Variants in DLG2 observed in about 807,000 individuals in gnomAD.
DLG2 encodes the protein disks large homolog 2.
In DLG2, 45 loss-of-function variants were observed where a neutral mutation model predicts 132.5. The ratio of observed to expected loss-of-function variants is 0.34; its 90% CI spans 0.27 to 0.44. The LOEUF (loss-of-function observed/expected upper bound fraction) is 0.44, where lower values mean the gene tolerates loss of function less well. Ranked by LOEUF, DLG2 falls within the 20% of genes least tolerant of loss-of-function variation. The pLI, the probability that DLG2 is intolerant of heterozygous loss-of-function variation, is 1.00. For synonymous variants in DLG2, 424 were observed against 419.6 expected (o/e 1.01, Z -0.13); for missense variants, 1,045 against 1,196.9 (o/e 0.87, Z 1.87).
chr11:84,466,097 A>T (rs1354083579), intron 7 of DLG2, among the ~76,000 whole-genome samples: 2 of 151,314 alleles, frequency 1.3e-5, no homozygotes, highest in East Asian at 3.9e-4. Flanking sequence ...GGAATTTTTA[A>T]ATAAATAATA....
intron 5 of DLG2, among the ~76,000 whole-genome samples, chr11:85,150,195 T>A (rs1394409097): frequency 6.6e-6 from 1 of 151,832 alleles, no homozygotes; most frequent in Non-Finnish European, 1.5e-5. Flanking sequence ...AATTTTTTTG[T>A]ATTTTTAGTA....
At chr11:84,169,598 C>T (rs558662137) in intron 8 of DLG2, among the ~76,000 whole-genome samples, 15 of 152,268 alleles carry the variant, frequency 9.9e-5, no homozygotes, top group African/African-American at 3.1e-4. Flanking sequence ...TTTGGCCATG[C>T]GTGGTGGCTC....
At chr11:83,773,304 TGGA>T (rs1188429894) in intron 18 of DLG2, among the ~76,000 whole-genome samples, 1 of 152,220 alleles carries the variant, frequency 6.6e-6, no homozygotes, top group Non-Finnish European at 1.5e-5. Flanking sequence ...ATTTACCTCT[TGGA>T]GTTGTTCTGT....
intron 6 of DLG2, among the ~76,000 whole-genome samples, chr11:84,969,183 A>T (rs961432154): frequency 2.6e-5 from 4 of 152,116 alleles, no homozygotes; most frequent in African/African-American, 9.7e-5. Flanking sequence ...AACCAAAGTT[A>T]TTTAAGATTC....
intron 18 of DLG2, among the ~76,000 whole-genome samples, chr11:83,686,800 A>AC (rs1377439147): frequency 6.6e-6 from 1 of 152,186 alleles, no homozygotes; most frequent in African/African-American, 2.4e-5. Context: ...CTTTGATACA[A>AC]CAATTCCAGA....
At chr11:83,588,549 A>G (rs375883501) in intron 19 of DLG2, among the ~76,000 whole-genome samples, 1 of 152,098 alleles carries the variant, frequency 6.6e-6, no homozygotes, top group African/African-American at 2.4e-5. Flanking sequence ...AAAAAACAGA[A>G]CAGAAAAACT....
rs79305235 is a variant in DLG2, at chr11:83,958,222, T to C, written c.1340+4663A>G. On this transcript the variant is annotated intron_variant, in intron 14 of 27. Coordinates refer to ENST00000376104, the MANE Select transcript of DLG2 (RefSeq NM_001142699.3). ...AGATGACATGGCTAGTAAGCTAGTG[T>C]TCTATAATTCGGAGACAATAGAGTA... is the stretch of plus-strand genomic sequence containing the variant. Among the ~76,000 whole-genome samples, 682 of 152,308 alleles carry C rather than the reference T, an allele frequency of 4.5e-3. 5 individuals carry two copies. Among genetic ancestry groups the C allele is most frequent in the African/African-American group, 0.015 (609 of 41,576 alleles).
intron 7 of DLG2, among the ~76,000 whole-genome samples, chr11:84,346,611 C>T (rs1416958011): frequency 3.9e-5 from 6 of 152,084 alleles, no homozygotes; most frequent in Non-Finnish European, 2.9e-5. Context: ...TGGAGTCTTG[C>T]TGTGTCGGCA....
chr11:83,633,380 A>C, intron 18 of DLG2, 55 bp from the exon 19 acceptor site: 1 of 1,447,472 alleles, frequency 6.9e-7, no homozygotes, highest in Non-Finnish European at 9.6e-7. Context: ...AGAGTTGGAA[A>C]TGCTGCACAG....
chr11:84,056,113 T>C (rs143821794), intron 11 of DLG2, among the ~76,000 whole-genome samples: 32 of 152,232 alleles, frequency 2.1e-4, no homozygotes, highest in Middle Eastern at 3.4e-3. Context: ...ATGTGCAGGT[T>C]TGTTACATAG....
intron 7 of DLG2, among the ~76,000 whole-genome samples, chr11:84,373,657 A>G (rs1413245550): frequency 2.0e-5 from 3 of 152,160 alleles, no homozygotes; most frequent in Admixed American, 1.3e-4. Flanking sequence ...AAACTTGCTT[A>G]TCAAATACTG....
intron 9 of DLG2, among the ~76,000 whole-genome samples, chr11:84,143,813 C>T (rs1316344971): frequency 6.6e-6 from 1 of 152,112 alleles, no homozygotes; most frequent in Non-Finnish European, 1.5e-5. Context: ...CAGGGAGAAG[C>T]AGGGTTGAAC....
At chr11:84,535,241 T>G (rs1245315163) in intron 6 of DLG2, among the ~76,000 whole-genome samples, 1 of 152,240 alleles carries the variant, frequency 6.6e-6, no homozygotes, top group Admixed American at 6.5e-5. Context: ...CCACATTATT[T>G]GTATTAGACT....
intron 5 of DLG2, among the ~76,000 whole-genome samples, chr11:85,149,503 C>G (rs574997943): frequency 2.0e-5 from 3 of 152,144 alleles, no homozygotes; most frequent in Admixed American, 6.5e-5. Context: ...CATCTTTGTT[C>G]TAATAATCTT....
chr11:84,563,622 A>G (rs79697430), intron 6 of DLG2, among the ~76,000 whole-genome samples: 9,304 of 152,304 alleles, frequency 0.061, 356 homozygotes, highest in South Asian at 0.11. Context: ...AGGTTGAAGC[A>G]GTGAAAAGGC....
intron 15 of DLG2, among the ~76,000 whole-genome samples, chr11:83,913,518 A>G (rs1051889983): frequency 6.6e-6 from 1 of 152,134 alleles, no homozygotes; most frequent in Non-Finnish European, 1.5e-5. Context: ...AATTAATAAT[A>G]ATAATAATGT....
chr11:84,239,191 T>C (rs2097196139), intron 8 of DLG2, among the ~76,000 whole-genome samples: 1 of 152,134 alleles, frequency 6.6e-6, no homozygotes, highest in Non-Finnish European at 1.5e-5. Flanking sequence ...ATTTTTATTA[T>C]TATTATTATT....
At chr11:84,250,194 T>C (rs772258069) in intron 8 of DLG2, among the ~76,000 whole-genome samples, 9 of 152,208 alleles carry the variant, frequency 5.9e-5, no homozygotes, top group Non-Finnish European at 1.0e-4. Flanking sequence ...TCTTATTTTG[T>C]AAAATGATCT....
intron 15 of DLG2, among the ~76,000 whole-genome samples, chr11:83,891,366 C>A (rs1278243303): frequency 6.6e-6 from 1 of 152,132 alleles, no homozygotes; most frequent in Admixed American, 6.6e-5. Flanking sequence ...AGTGGGAAGA[C>A]TTTAGTCAAC....
Sources: gnomAD v4.1 joint callset for allele counts (sites outside exome capture counted in the v4.1 genomes callset) on GRCh38, gnomAD v4.1.1 for gene constraint, MANE v1.5 for transcripts, NCBI Gene and HGNC (gene_info 2026-07-23, HGNC 2026-07-21) for gene names.